Variants in GRIK4 observed in about 807,000 individuals in gnomAD.
GRIK4 encodes glutamate ionotropic receptor kainate type subunit 4.
GRIK4 carries 40 observed loss-of-function variants against 104.9 expected under a neutral mutation model. The ratio of observed to expected loss-of-function variants is 0.38; its 90% confidence interval spans 0.30 to 0.50. The LOEUF (loss-of-function observed/expected upper bound fraction) is 0.50. Among genes scored for constraint, GRIK4 ranks in the 20% least tolerant of loss-of-function variants. The pLI is 0.93. For synonymous variants in GRIK4, 485 were observed against 524.9 expected, an observed-to-expected ratio of 0.92 and a Z score of 1.04; for missense variants, 1,047 against 1,308.1, an observed-to-expected ratio of 0.80 and a Z score of 3.08.
intron 1 of GRIK4, among the ~76,000 whole-genome samples, chr11:120,541,365 C>G (rs1399884507): frequency 6.6e-6 from 1 of 152,198 alleles, no homozygotes. Flanking sequence ...TTAGGTACTT[C>G]TTAAGGGCAG....
At chr11:120,593,840 A>G (rs1948767302) in intron 1 of GRIK4, among the ~76,000 whole-genome samples, 1 of 152,222 alleles carries the variant, frequency 6.6e-6, no homozygotes, top group African/African-American at 2.4e-5. Flanking sequence ...ATTGTCCACC[A>G]GTTTACAAGA....
At chr11:120,833,269 T>C (rs976594831) in intron 7 of GRIK4, among the ~76,000 whole-genome samples, 1 of 134,696 alleles carries the variant, frequency 7.4e-6, no homozygotes, top group East Asian at 2.2e-4. Flanking sequence ...CTCTCTTTCT[T>C]TCTCTCTCTC....
At chr11:120,802,517 G>C (rs565004571) in intron 3 of GRIK4, among the ~76,000 whole-genome samples, 176 bp from the exon 4 acceptor site, 1 of 152,296 alleles carries the variant, frequency 6.6e-6, no homozygotes, top group East Asian at 1.9e-4. Context: ...TGCAAACCAA[G>C]ACCCTTAAGC....
chr11:120,914,531 G>C (rs1046375300), intron 13 of GRIK4, among the ~76,000 whole-genome samples: 1 of 152,148 alleles, frequency 6.6e-6, no homozygotes, highest in African/African-American at 2.4e-5. Flanking sequence ...AGAGCACTGA[G>C]GATCAAGAAG....
In GRIK4 at chr11:120,902,579, T is replaced by A. The variant is rs1376656643; in HGVS notation, c.1273-2711T>A. On this transcript the variant is annotated intron_variant, in intron 12 of 20. Transcript: ENST00000527524. The surrounding 1 kb of genome is among the most constrained non-coding windows in gnomAD (Gnocchi z 4.5). ...AGGAAGCCATTTGTTTGCTTCTTAC[T>A]CACATGATCGGCAAGTGCTTAATGC... Among the ~76,000 whole-genome samples, 1 of 152,150 alleles carries A rather than the reference T, an allele frequency of 6.6e-6. No individual in the cohort carries two copies. The highest frequency in any genetic ancestry group is 1.5e-5 in the Non-Finnish European group (1 of 68,036).
chr11:120,933,972 A>G (rs1943535375), intron 13 of GRIK4, among the ~76,000 whole-genome samples: 1 of 152,154 alleles, frequency 6.6e-6, no homozygotes, highest in African/African-American at 2.4e-5. Flanking sequence ...TGGGAGGCCA[A>G]GGCGGGTGGA....
chr11:120,794,255 C>T (rs1020235678), intron 3 of GRIK4, among the ~76,000 whole-genome samples: 1 of 88,842 alleles, frequency 1.1e-5, no homozygotes, highest in Non-Finnish European at 2.3e-5. Context: ...CGATGGTTAG[C>T]GGTGAGGGGA....
intron 11 of GRIK4, among the ~76,000 whole-genome samples, chr11:120,883,009 C>T (rs965588967): frequency 1.2e-4 from 19 of 152,216 alleles, no homozygotes; most frequent in African/African-American, 4.3e-4. Flanking sequence ...TCCCCAGCTC[C>T]TGCAAGCACC....
At chr11:120,582,220 A>G (rs1440469825) in intron 1 of GRIK4, among the ~76,000 whole-genome samples, 1 of 151,928 alleles carries the variant, frequency 6.6e-6, no homozygotes, top group Non-Finnish European at 1.5e-5. Context: ...CCAGGCCTGA[A>G]AAGTAATAAC....
intron 3 of GRIK4, among the ~76,000 whole-genome samples, chr11:120,780,257 A>G (rs888204456): frequency 7.2e-5 from 11 of 152,192 alleles, no homozygotes; most frequent in Non-Finnish European, 1.5e-4. Flanking sequence ...CATCACCACT[A>G]TCTATCTCCA....
At chr11:120,569,956 CATT>C (rs1417901136) in intron 1 of GRIK4, among the ~76,000 whole-genome samples, 2 of 152,224 alleles carry the variant, frequency 1.3e-5, no homozygotes, top group East Asian at 3.8e-4. Flanking sequence ...ATTCTAGTCT[CATT>C]AGTTGTGCTT....
intron 13 of GRIK4, among the ~76,000 whole-genome samples, chr11:120,918,763 G>A (rs1377711310): frequency 1.3e-5 from 2 of 152,136 alleles, no homozygotes; most frequent in Non-Finnish European, 2.9e-5. Context: ...GGAATCCTAC[G>A]CAAAATGGTA....
At chr11:120,601,165 G>A (rs1948880865) in intron 1 of GRIK4, among the ~76,000 whole-genome samples, 1 of 152,094 alleles carries the variant, frequency 6.6e-6, no homozygotes, top group Admixed American at 6.6e-5. Context: ...CAGCACTTTG[G>A]GAGGCCGAGG....
At chr11:120,737,080 A>G (rs1449649123) in intron 3 of GRIK4, among the ~76,000 whole-genome samples, 1 of 152,198 alleles carries the variant, frequency 6.6e-6, no homozygotes, top group Non-Finnish European at 1.5e-5. Flanking sequence ...ATGTTTAGAC[A>G]TGGTCTAGTA....
intron 1 of GRIK4, among the ~76,000 whole-genome samples, chr11:120,638,206 T>C (rs985954285): frequency 1.3e-5 from 2 of 152,156 alleles, no homozygotes; most frequent in Non-Finnish European, 2.9e-5. Flanking sequence ...TTAACAATTA[T>C]ATAGCACTTA....
intron 1 of GRIK4, among the ~76,000 whole-genome samples, chr11:120,542,262 T>A (rs1334401996): frequency 1.3e-5 from 2 of 152,200 alleles, no homozygotes; most frequent in Non-Finnish European, 2.9e-5. Flanking sequence ...TGCAAAAGAA[T>A]GAAATTGGAC....
chr11:120,705,114 ATCAGGTACTGTGAATCC>A (rs1361208255), intron 3 of GRIK4, among the ~76,000 whole-genome samples: 2 of 152,148 alleles, frequency 1.3e-5, no homozygotes, highest in Non-Finnish European at 2.9e-5. Context: ...TAGTTTTGAA[ATCAGGTACTGTGAATCC>A]TCCAGTTTTG....
chr11:120,824,628 C>G (rs2135551683), intron 6 of GRIK4, among the ~76,000 whole-genome samples: 1 of 147,756 alleles, frequency 6.8e-6, no homozygotes, highest in African/African-American at 2.5e-5. Flanking sequence ...CAGCTCACTG[C>G]AACCTTCATC....
At chr11:120,684,734 G>T (rs1950248697) in intron 3 of GRIK4, among the ~76,000 whole-genome samples, 1 of 151,028 alleles carries the variant, frequency 6.6e-6, no homozygotes. Context: ...TTTTGGAGAC[G>T]GAGTCTCGCT....
Sources: allele counts gnomAD v4.1 joint callset (sites outside exome capture counted in the v4.1 genomes callset), GRCh38; gene constraint gnomAD v4.1.1; non-coding constraint Gnocchi (gnomAD v3.1); transcripts MANE v1.5; gene names NCBI Gene and HGNC (gene_info 2026-07-23, HGNC 2026-07-21).